PEX14: variants seen among roughly 807,000 people sequenced by gnomAD.
The protein encoded by PEX14 is peroxisomal biogenesis factor 14.
In PEX14, 15 loss-of-function variants were observed where a neutral mutation model predicts 49.5. The ratio of observed to expected loss-of-function variants is 0.30; its 90% CI spans 0.20 to 0.47. PEX14 has a LOEUF of 0.47. Ranked by LOEUF, PEX14 falls within the 20% of genes least tolerant of loss-of-function variation. PEX14 has a pLI of 1.00. For synonymous variants in PEX14, 210 were observed against 212.7 expected, an observed-to-expected ratio of 0.99 and a Z score of 0.11; for missense variants, 398 against 494.8, an observed-to-expected ratio of 0.80 and a Z score of 1.86.
At chr1:10,549,193 C>G (rs746391840) in intron 3 of PEX14, among the ~76,000 whole-genome samples, 11 of 151,908 alleles carry the variant, frequency 7.2e-5, no homozygotes, top group Non-Finnish European at 1.5e-4. Flanking sequence ...GTCATCTTTT[C>G]AATGAAACTG....
chr1:10,571,999 G>A (rs570754673), intron 3 of PEX14, among the ~76,000 whole-genome samples: 3 of 152,180 alleles, frequency 2.0e-5, no homozygotes, highest in East Asian at 1.9e-4. Context: ...AACAGAACAC[G>A]GAGCTTCCAG....
intron 2 of PEX14, among the ~76,000 whole-genome samples, chr1:10,525,793 T>G (rs1638455723): frequency 6.6e-6 from 1 of 150,876 alleles, no homozygotes; most frequent in African/African-American, 2.4e-5. Context: ...ACCCGGCTAA[T>G]TTTTGTATTT....
At chr1:10,587,285 T>C (rs551029589) in intron 3 of PEX14, among the ~76,000 whole-genome samples, 3 of 151,854 alleles carry the variant, frequency 2.0e-5, no homozygotes, top group South Asian at 4.2e-4. Flanking sequence ...AGTGAAACCC[T>C]GTATCTACAA....
intron 1 of PEX14, among the ~76,000 whole-genome samples, chr1:10,492,854 C>G (rs2124397242): frequency 6.6e-6 from 1 of 152,322 alleles, no homozygotes; most frequent in South Asian, 2.1e-4. Context: ...GTGAGAGAGA[C>G]AGGCATCAGT....
chr1:10,560,850 TG>T (rs1570268270), intron 3 of PEX14, among the ~76,000 whole-genome samples: 3 of 151,712 alleles, frequency 2.0e-5, no homozygotes, highest in African/African-American at 7.3e-5. Context: ...CCCAAGTAGC[TG>T]GGATTATAGG....
intron 3 of PEX14, 60 bp downstream of exon 3, chr1:10,536,357 G>A: frequency 6.8e-6 from 7 of 1,023,432 alleles, no homozygotes. Context: ...TGGGGCAGAT[G>A]GAAGCCACGG....
chr1:10,586,523 C>A (rs148431787), intron 3 of PEX14, among the ~76,000 whole-genome samples: 42 of 150,138 alleles, frequency 2.8e-4, no homozygotes, highest in African/African-American at 8.3e-4. Flanking sequence ...GAAATACATT[C>A]TTTTACTGTA....
chr1:10,537,977 T>C (rs913420994), intron 3 of PEX14, among the ~76,000 whole-genome samples: 2 of 152,098 alleles, frequency 1.3e-5, no homozygotes, highest in Admixed American at 6.6e-5. Context: ...GCAAAAAAAA[T>C]CCAACTGATC....
At chr1:10,553,755 T>C (rs1639401164) in intron 3 of PEX14, among the ~76,000 whole-genome samples, 1 of 152,166 alleles carries the variant, frequency 6.6e-6, no homozygotes, top group African/African-American at 2.4e-5. Context: ...CACTCCTTTG[T>C]CATCTGTTTC....
At chr1:10,621,342 C>CTTTT (rs930417764) in intron 5 of PEX14, among the ~76,000 whole-genome samples, 20 of 108,012 alleles carry the variant, frequency 1.9e-4, no homozygotes, top group East Asian at 7.9e-4. Flanking sequence ...TATATGAATT[C>CTTTT]TTTTTTTTTT....
intron 4 of PEX14, among the ~76,000 whole-genome samples, chr1:10,602,151 G>C (rs1641002438): frequency 6.6e-6 from 1 of 152,154 alleles, no homozygotes. Flanking sequence ...AGATCGCTCT[G>C]AGAAAAAGCA....
intron 3 of PEX14, among the ~76,000 whole-genome samples, chr1:10,548,818 A>C (rs890275832): frequency 6.6e-6 from 1 of 152,204 alleles, no homozygotes; most frequent in Non-Finnish European, 1.5e-5. Context: ...AGAATTGAAC[A>C]ACTCTACTAA....
intron 1 of PEX14, among the ~76,000 whole-genome samples, chr1:10,488,212 A>C (rs1489482477): frequency 6.6e-6 from 1 of 152,042 alleles, no homozygotes; most frequent in African/African-American, 2.4e-5. Flanking sequence ...TGTCCTTATC[A>C]TTTCAGCTAT....
chr1:10,629,828 C>G lies in PEX14; in HGVS notation c.975C>G (p.Asp325Glu). The change falls in exon 9 of 9, where the codon GAC becomes GAG. Residue 325 changes from aspartate to glutamate, a missense_variant. Around this residue, in one of 3 missense-constraint regions of PEX14, gnomAD observed 140 missense variants for 155.5 expected, o/e 0.90. Transcript: ENST00000356607. This position sits in a 1 kb window ranked among gnomAD's most constrained non-coding sequence, Gnocchi z 8.5. The stretch of plus-strand genomic sequence containing the variant: ...AGGAGAAGAGGGAGGACAAGGAGGA[C>G]GAGGAGGATGAGGAGGATGATGATG... ...GEEEKREDKE[D>E]EEDEEDDDVS... 1 of 1,598,340 alleles carries G rather than the reference C, an allele frequency of 6.3e-7. No homozygotes were observed. Among genetic ancestry groups the G allele is most frequent in the Non-Finnish European group, 8.6e-7 (1 of 1,168,124 alleles).
intron 2 of PEX14, among the ~76,000 whole-genome samples, chr1:10,518,646 C>A (rs1047076024): frequency 3.3e-5 from 5 of 152,160 alleles, no homozygotes; most frequent in Non-Finnish European, 5.9e-5. Flanking sequence ...AGATTGAAAT[C>A]TCTATTTAGC....
intron 3 of PEX14, among the ~76,000 whole-genome samples, chr1:10,546,913 C>G (rs1639194138): frequency 2.0e-5 from 3 of 151,990 alleles, no homozygotes; most frequent in African/African-American, 7.3e-5. Flanking sequence ...GCAAAAAAAC[C>G]AGATGGTTAG....
At chr1:10,620,840 T>C (rs960739829) in intron 5 of PEX14, among the ~76,000 whole-genome samples, 39 of 152,212 alleles carry the variant, frequency 2.6e-4, no homozygotes, top group Admixed American at 2.6e-3. Context: ...AAAACACCTC[T>C]TGGGACCCGG....
rs57411640 is a variant in PEX14 at position 10,564,904 on chromosome 1, C to CTTTT, written c.169+28621_169+28624dup. ...CCACTTGGTCCTATTTTTTGTATAT[C>CTTTT]TTTTTTTTTTTTTTTTTGAGACGGA... On this transcript the variant is annotated intron_variant, in intron 3 of 8. Coordinates refer to ENST00000356607, the MANE Select transcript of PEX14 (RefSeq NM_004565.3). Among the ~76,000 whole-genome samples, 51 of 125,506 alleles carry CTTTT rather than the reference C, an allele frequency of 4.1e-4. 3 individuals are homozygous for CTTTT. The highest frequency in any genetic ancestry group is 1.2e-3 in the African/African-American group (40 of 32,324). The allele number at this position is 125,506 out of a possible 152,430, so 82.3% of individuals were successfully genotyped here.
chr1:10,627,212 C>T (rs991465969), intron 7 of PEX14, 60 bp from the exon 8 acceptor site: 14 of 1,163,636 alleles, frequency 1.2e-5, no homozygotes, highest in South Asian at 3.7e-5. Context: ...CTCCTGCAGC[C>T]GCAGGCCCCG....
Sources: gnomAD v4.1 joint callset for allele counts (sites outside exome capture counted in the v4.1 genomes callset) on GRCh38, gnomAD v4.1.1 for gene constraint, gnomAD v4.1.1 regional missense constraint, Gnocchi (gnomAD v3.1) non-coding constraint, MANE v1.5 for transcripts, NCBI Gene and HGNC (gene_info 2026-07-23, HGNC 2026-07-21) for gene names.